The following UBASH3B variants were observed in gnomAD, a reference collection of about 807,000 sequenced individuals.
The protein encoded by UBASH3B is ubiquitin-associated and SH3 domain-containing protein B.
UBASH3B carries 37 observed loss-of-function variants against 83.4 expected under a neutral mutation model. The ratio of observed to expected loss-of-function variants is 0.44; its 90% confidence interval spans 0.34 to 0.58. UBASH3B has a LOEUF of 0.58. Among genes scored for constraint, UBASH3B ranks in the 20% least tolerant of loss-of-function variants. The pLI, the probability that UBASH3B is intolerant of heterozygous loss-of-function variation, is 0.01. For missense variants in UBASH3B, 657 were observed against 827.2 expected (o/e 0.79, Z 2.52); for synonymous variants, 304 against 318.3 (o/e 0.96, Z 0.48).
At chr11:122,678,391 A>G (rs1277248698) in intron 1 of UBASH3B, among the ~76,000 whole-genome samples, 1 of 152,164 alleles carries the variant, frequency 6.6e-6, no homozygotes, top group Admixed American at 6.5e-5. Context: ...CTCAGCCTAG[A>G]TCTGTCTGGC....
intron 11 of UBASH3B, among the ~76,000 whole-genome samples, chr11:122,805,799 T>A (rs1861331437): frequency 6.6e-6 from 1 of 152,144 alleles, no homozygotes; most frequent in African/African-American, 2.4e-5. Flanking sequence ...GATTGTATAG[T>A]AATTATCATT....
chr11:122,713,109 A>G (rs1409765845), intron 1 of UBASH3B, among the ~76,000 whole-genome samples: 2 of 151,756 alleles, frequency 1.3e-5, no homozygotes, highest in African/African-American at 4.8e-5. Flanking sequence ...GGGTTTCACC[A>G]TGTTAGCCAG....
At chr11:122,675,806 T>A (rs1320726316) in intron 1 of UBASH3B, among the ~76,000 whole-genome samples, 2 of 152,152 alleles carry the variant, frequency 1.3e-5, no homozygotes, top group Non-Finnish European at 2.9e-5. Flanking sequence ...CAGAGCCCAT[T>A]TTCCTCCAGT....
intron 1 of UBASH3B, among the ~76,000 whole-genome samples, chr11:122,704,248 G>T (rs67571724): frequency 0.079 from 12,040 of 152,262 alleles, 583 homozygotes; most frequent in African/African-American, 0.13. Flanking sequence ...ACAGTCTCTT[G>T]AGTCTTCCTC....
chr11:122,810,006 C>T lies in UBASH3B; in HGVS notation c.*120C>T, dbSNP rs1421228159. 1.6e-6 allele frequency: 2 copies of T among 1,243,410 alleles called. No individual in the cohort carries two copies. The highest frequency in any genetic ancestry group is 2.2e-6 in the Non-Finnish European group (2 of 902,384). The allele number at this position is 1,243,410 out of a possible 1,614,324, so 77.0% of individuals were successfully genotyped here. On this transcript the variant is annotated 3_prime_UTR_variant, in exon 14 of 14. Transcript: ENST00000284273. ...CAGCTCAGAATAATTTAGCATATTT[C>T]CTTTCACACTTAAAGTTCTTAAGAT... is the stretch of plus-strand genomic sequence containing the variant.
intron 1 of UBASH3B, among the ~76,000 whole-genome samples, chr11:122,729,280 C>T (rs779917306): frequency 2.0e-5 from 3 of 152,154 alleles, no homozygotes; most frequent in Non-Finnish European, 4.4e-5. Context: ...AGCCTTGTCA[C>T]TTTTGGTCTT....
intron 2 of UBASH3B, 77 bp downstream of exon 2, chr11:122,776,349 G>T: frequency 2.2e-6 from 3 of 1,377,472 alleles, no homozygotes; most frequent in South Asian, 1.3e-5. Flanking sequence ...GGGAGGTGCA[G>T]ACTTTCTCTA....
rs979904087 is a variant in UBASH3B, at chr11:122,812,249, A to G, written c.*2363A>G. 4 of 151,986 alleles carry G rather than the reference A, an allele frequency of 2.6e-5. No homozygotes were observed. The highest frequency in any genetic ancestry group is 5.9e-5 in the Non-Finnish European group (4 of 67,974). The allele number at this position is 151,986 out of a possible 1,614,324, so 9.4% of individuals were successfully genotyped here. On this transcript the variant is annotated 3_prime_UTR_variant, in exon 14 of 14. Transcript: ENST00000284273. Reference sequence around the variant, plus strand: ...ATTTCTCTGCTTTCATTTCAATTTCATTATTTCAAATTGCTTGTCAAAATG... The same window carrying G: ...ATTTCTCTGCTTTCATTTCAATTTCGTTATTTCAAATTGCTTGTCAAAATG...
At chr11:122,677,353 T>C (rs573801202) in intron 1 of UBASH3B, among the ~76,000 whole-genome samples, 3 of 152,330 alleles carry the variant, frequency 2.0e-5, no homozygotes, top group South Asian at 2.1e-4. Context: ...TTTTCAAATA[T>C]TCTCTCCTTT....
At chr11:122,702,760 G>T (rs1864059485) in intron 1 of UBASH3B, among the ~76,000 whole-genome samples, 1 of 151,868 alleles carries the variant, frequency 6.6e-6, no homozygotes, top group Non-Finnish European at 1.5e-5. Flanking sequence ...CCTGACGTCA[G>T]GTGATCCACC....
intron 1 of UBASH3B, among the ~76,000 whole-genome samples, chr11:122,710,852 G>T (rs549940774): frequency 1.3e-5 from 2 of 152,210 alleles, no homozygotes; most frequent in Admixed American, 6.5e-5. Flanking sequence ...GCTTTGTCCT[G>T]GGGGCAGGGT....
Position 122,796,264 on chromosome 11 carries a change from T to G in UBASH3B, c.1222T>G (p.Phe408Val). 1.2e-6 allele frequency: 2 copies of G among 1,614,126 alleles called. No homozygotes were observed. Among genetic ancestry groups the G allele is most frequent in the Non-Finnish European group, 1.7e-6 (2 of 1,179,976 alleles). ...TGGGAAGTACTGGCTGTCCCAGTGC[T>G]TCGATGCCAAAGGTGAGTTGGTGGT... is the stretch of plus-strand genomic sequence containing the variant. ...VFGKYWLSQC[F>V]DAKGRYIRTN... Residue 408 changes from phenylalanine (F) to valine (V), a missense_variant, in exon 8 of 14, where the codon TTC (phenylalanine) becomes GTC (valine). Physicochemically the swap from Phe to Val is conservative, Grantham distance 50 (BLOSUM62 -1). Transcript: ENST00000284273.
At chr11:122,763,185 A>C (rs1860474481) in intron 1 of UBASH3B, among the ~76,000 whole-genome samples, 2 of 152,184 alleles carry the variant, frequency 1.3e-5, no homozygotes, top group African/African-American at 4.8e-5. Flanking sequence ...TAGATGCTAG[A>C]GGGACACATA....
chr11:122,749,842 C>T (rs995613561), intron 1 of UBASH3B, among the ~76,000 whole-genome samples: 2 of 152,222 alleles, frequency 1.3e-5, no homozygotes, highest in South Asian at 2.1e-4. Flanking sequence ...AAGCTATTCT[C>T]GTGCCTCAGC....
chr11:122,787,212 A>G (rs1565565463), intron 5 of UBASH3B, among the ~76,000 whole-genome samples: 1 of 152,180 alleles, frequency 6.6e-6, no homozygotes, highest in Non-Finnish European at 1.5e-5. Flanking sequence ...GGGACGTCAC[A>G]CATTTAGCTT....
intron 1 of UBASH3B, among the ~76,000 whole-genome samples, chr11:122,737,237 T>A (rs1344218161): frequency 6.6e-6 from 1 of 152,160 alleles, no homozygotes; most frequent in Non-Finnish European, 1.5e-5. Flanking sequence ...TGTATGATTA[T>A]CATTGTATAT....
At chr11:122,683,814 G>A (rs1053919405) in intron 1 of UBASH3B, among the ~76,000 whole-genome samples, 4 of 150,590 alleles carry the variant, frequency 2.7e-5, no homozygotes, top group African/African-American at 9.8e-5. Context: ...TTGAGATGGA[G>A]GGTTGTGTCT....
chr11:122,769,055 A>T (rs1860600430), intron 1 of UBASH3B, among the ~76,000 whole-genome samples: 1 of 152,212 alleles, frequency 6.6e-6, no homozygotes, highest in Admixed American at 6.5e-5. Flanking sequence ...ATAAAGGAAT[A>T]CCTGAGGCTG....
intron 1 of UBASH3B, among the ~76,000 whole-genome samples, chr11:122,772,803 C>A (rs1373828777): frequency 1.3e-5 from 2 of 152,168 alleles, no homozygotes; most frequent in Non-Finnish European, 2.9e-5. Flanking sequence ...TTTCTTTGTG[C>A]TGTTCTTCTC....
Sources: gnomAD v4.1 joint callset for allele counts (sites outside exome capture counted in the v4.1 genomes callset) on GRCh38, gnomAD v4.1.1 for gene constraint, MANE v1.5 for transcripts, NCBI Gene and HGNC (gene_info 2026-07-23, HGNC 2026-07-21) for gene names.